DCBLD1: variants seen among roughly 807,000 people sequenced by gnomAD.
DCBLD1 encodes discoidin, CUB and LCCL domain containing 1.
Under a neutral mutation model 71.5 loss-of-function variants are expected in DCBLD1, and 57 were observed. The ratio of observed to expected loss-of-function variants is 0.80; its 90% CI spans 0.64 to 0.99. DCBLD1 has a LOEUF of 0.99. DCBLD1 is among the 50% of genes least tolerant of loss of function. The pLI, the probability that DCBLD1 is intolerant of heterozygous loss-of-function variation, is 0.00. For synonymous variants in DCBLD1, 380 were observed against 363.8 expected, an observed-to-expected ratio of 1.04 and a Z score of -0.51; for missense variants, 891 against 923.5, an observed-to-expected ratio of 0.96 and a Z score of 0.46.
chr6:117,488,653 A>G (rs1777174177), intron 1 of DCBLD1, among the ~76,000 whole-genome samples: 1 of 152,164 alleles, frequency 6.6e-6, no homozygotes, highest in African/African-American at 2.4e-5. Context: ...TCAAAAAGAA[A>G]ATAACTAAAT....
rs889786383 is a variant in DCBLD1, at chr6:117,504,050, GTTAA to G, written c.325+76_325+79del. On this transcript the variant is annotated intron_variant, in intron 2 of 14. Coordinates refer to ENST00000338728, the MANE Select transcript of DCBLD1 (RefSeq NM_001366458.2). ...ATTTGCAGAGAAGGGCAAGTGGTGTGTTAATTAACGCTATATCATGAGAAGATTA... is the reference window on the plus strand; with the variant it reads ...ATTTGCAGAGAAGGGCAAGTGGTGTGTTAACGCTATATCATGAGAAGATTA... 7 of 1,493,830 alleles carry G rather than the reference GTTAA, an allele frequency of 4.7e-6. No individual in the cohort carries two copies. The African/African-American group carries it at 5.6e-5, about 12-fold the overall frequency. 92.5% of individuals were successfully genotyped at this position (1,493,830 alleles called of 1,614,324 possible). A position where few individuals can be genotyped will look rare whatever the true frequency, so the allele number is the denominator to read the frequency against.
At chr6:117,552,059 G>A (rs1384396344), downstream of DCBLD1, among the ~76,000 whole-genome samples, 1 of 152,192 alleles carries the variant, frequency 6.6e-6, no homozygotes, top group Non-Finnish European at 1.5e-5. Flanking sequence ...GGTGGAGGTT[G>A]CAGTAAGCCA....
At position 117,503,784 on chromosome 6, in the gene DCBLD1, C is replaced by T. The variant is rs1300789823; in HGVS notation, c.130C>T (p.Leu44=). The T allele has an allele frequency of 3.7e-6, 6 of 1,613,996 alleles. No individual in the cohort carries two copies. In the South Asian group the frequency reaches 4.4e-5, roughly 12 times the overall value. Residue 44 remains leucine, a synonymous_variant, in exon 2 of 15, where the codon CTA becomes TTA. Coordinates refer to ENST00000338728, the MANE Select transcript of DCBLD1 (RefSeq NM_001366458.2). ...AEELGDGCGH[L]VTYQDSGTMT... is the part of the protein sequence containing the mutation. ...TTTACCAGGTGATGGCTGTGGACAC[C>T]TAGTGACTTATCAGGATAGTGGCAC...
chr6:117,557,946 CTAGG>C (rs1195709877), intron 14 of DCBLD1, among the ~76,000 whole-genome samples: 1 of 152,126 alleles, frequency 6.6e-6, no homozygotes, highest in African/African-American at 2.4e-5. Context: ...TGGCAGCAGA[CTAGG>C]TAGGGGCAGG....
At chr6:117,535,229 A>G (rs955910015) in intron 6 of DCBLD1, among the ~76,000 whole-genome samples, 1 of 152,222 alleles carries the variant, frequency 6.6e-6, no homozygotes, top group Non-Finnish European at 1.5e-5. Context: ...ATCTCCGGTC[A>G]GGTCATTTCC....
intron 9 of DCBLD1, 23 bp from the exon 10 acceptor site, chr6:117,540,645 G>C (rs1269420603): frequency 6.2e-7 from 1 of 1,613,898 alleles, no homozygotes; most frequent in Non-Finnish European, 8.5e-7. Flanking sequence ...GAATCTTAAG[G>C]TAAACATAAT....
At chr6:117,553,430 A>G (rs768244904), downstream of DCBLD1, among the ~76,000 whole-genome samples, 2 of 151,858 alleles carry the variant, frequency 1.3e-5, no homozygotes, top group Admixed American at 6.6e-5. Flanking sequence ...CTTTGCTCCT[A>G]TTATCCCTTT....
At position 117,515,524 on chromosome 6, in the gene DCBLD1, C is replaced by T. The variant is rs1296056413; in HGVS notation, c.326-4292C>T. Among the ~76,000 whole-genome samples, 4 of 152,272 alleles carry T rather than the reference C, an allele frequency of 2.6e-5. No individual in the cohort carries two copies. The East Asian group carries it at 5.8e-4, about 22-fold the overall frequency. On this transcript the variant is annotated intron_variant, in intron 2 of 14. Coordinates refer to ENST00000338728, the MANE Select transcript of DCBLD1 (RefSeq NM_001366458.2). ...AGGTTTACAAAGCAAGTGTCTTCAC[C>T]CCTCTTATCTGTGCAAAGAACAGAG...
intron 1 of DCBLD1, chr6:117,484,935 TC>T: frequency 6.6e-6 from 1 of 152,256 alleles, no homozygotes; most frequent in South Asian, 2.1e-4. Context: ...TGTCCACCCC[TC>T]CCGTTGTTTG....
downstream of DCBLD1, among the ~76,000 whole-genome samples, chr6:117,551,119 C>G (rs553039668): frequency 6.6e-6 from 1 of 152,312 alleles, no homozygotes; most frequent in Admixed American, 6.5e-5. Flanking sequence ...GATAAATTCC[C>G]CTAGGGGCTT....
chr6:117,492,523 A>G (rs1321809), intron 1 of DCBLD1, among the ~76,000 whole-genome samples: 4,645 of 152,256 alleles, frequency 0.031, 84 homozygotes, highest in Non-Finnish European at 0.038. Context: ...AGTTTGAGGG[A>G]GTTACTTATG....
At chr6:117,526,270 T>G (rs558811877) in intron 5 of DCBLD1, among the ~76,000 whole-genome samples, 11 of 152,194 alleles carry the variant, frequency 7.2e-5, no homozygotes, top group Non-Finnish European at 1.3e-4. Context: ...TTCGTTCCCC[T>G]TTTCTGTTTT....
intron 7 of DCBLD1, 40 bp from the exon 8 acceptor site, chr6:117,538,578 TTA>T (rs781212809): frequency 1.9e-6 from 3 of 1,590,790 alleles, no homozygotes; most frequent in Non-Finnish European, 2.6e-6. Flanking sequence ...TGCTGTTATT[TTA>T]TGTCTGTATC....
intron 6 of DCBLD1, among the ~76,000 whole-genome samples, chr6:117,534,005 G>C (rs1262689610): frequency 6.6e-6 from 1 of 152,222 alleles, no homozygotes; most frequent in Non-Finnish European, 1.5e-5. Context: ...AGCAGTGCAT[G>C]CCGTGCACTT....
chr6:117,558,836 G>GT (rs1439501373), intron 14 of DCBLD1, among the ~76,000 whole-genome samples: 2 of 152,208 alleles, frequency 1.3e-5, no homozygotes, highest in Admixed American at 6.5e-5. Flanking sequence ...CCAGAGGAAA[G>GT]TAAGTGTTCA....
intron 2 of DCBLD1, among the ~76,000 whole-genome samples, chr6:117,510,971 A>G (rs149111539): frequency 1.3e-5 from 2 of 152,206 alleles, no homozygotes; most frequent in Admixed American, 6.5e-5. Flanking sequence ...CCTGTTACCA[A>G]CCTTTACACC....
chr6:117,517,392 T>C (rs1470185343), intron 2 of DCBLD1, among the ~76,000 whole-genome samples: 1 of 152,168 alleles, frequency 6.6e-6, no homozygotes, highest in Non-Finnish European at 1.5e-5. Context: ...GGGTACAGCC[T>C]CCCTCCCCAC....
Position 117,538,833 on chromosome 6 carries a change from C to G in DCBLD1, c.974C>G (p.Thr325Arg), listed in dbSNP as rs746976610. 18 of 1,610,150 alleles carry G rather than the reference C, an allele frequency of 1.1e-5. No individual in the cohort carries two copies. The highest frequency in any genetic ancestry group is 1.5e-5 in the Non-Finnish European group (18 of 1,178,238). Residue 325 changes from threonine to arginine, a missense_variant and splice_region_variant, in exon 8 of 15, where the codon ACA becomes AGA. Coordinates refer to ENST00000338728, the MANE Select transcript of DCBLD1 (RefSeq NM_001366458.2). ...EIDLGEKKKI[T>R]GIRTTGSTQS... ...GATTTGGGGGAGAAAAAGAAAATAA[C>G]AGGTGCAGAAAATAACACAAGTGCC...
rs894679214 is a variant in DCBLD1, at chr6:117,548,199, G to A, written c.1908G>A (p.Ser636=). The change falls in exon 15 of 15, where the codon TCG becomes TCA. Residue 636 remains serine, a synonymous_variant. Transcript: ENST00000338728. ...PQPGHKHSLS[S]GGFSPVAGVG... ...CCGGCCACAAACACTCCCTCTCCTCGGGCGGCTTCTCCCCCGTAGCGGGTG... is the reference window on the plus strand; with the variant it reads ...CCGGCCACAAACACTCCCTCTCCTCAGGCGGCTTCTCCCCCGTAGCGGGTG... The A allele has an allele frequency of 9.7e-6, 15 of 1,550,298 alleles. No individual in the cohort carries two copies. The highest frequency in any genetic ancestry group is 1.3e-5 in the Non-Finnish European group (15 of 1,146,960).
Sources: gnomAD v4.1 joint callset for allele counts (sites outside exome capture counted in the v4.1 genomes callset) on GRCh38, gnomAD v4.1.1 for gene constraint, MANE v1.5 for transcripts, NCBI Gene and HGNC (gene_info 2026-07-23, HGNC 2026-07-21) for gene names.